GATC: variants seen among roughly 807,000 people sequenced by gnomAD.
GATC encodes glutamyl-tRNA(Gln) amidotransferase subunit C, mitochondrial.
A neutral mutation model predicts 14.4 loss-of-function variants in GATC; 11 were observed. The observed-to-expected ratio is 0.77, with a 90% CI of 0.48 to 1.27. GATC has a LOEUF of 1.27. Among genes scored for constraint, GATC ranks in the 50% most tolerant of loss-of-function variants. The pLI is 0.00. For missense variants in GATC, 204 were observed against 183.0 expected, an observed-to-expected ratio of 1.11 and a Z score of -0.66; for synonymous variants, 76 against 79.3, an observed-to-expected ratio of 0.96 and a Z score of 0.22.
chr12:120,452,453 A>G (rs1363146253), intron 2 of GATC, among the ~76,000 whole-genome samples: 1 of 152,042 alleles, frequency 6.6e-6, no homozygotes, highest in African/African-American at 2.4e-5. Flanking sequence ...TGTCCCTCAT[A>G]GTCTTATGAA....
At chr12:120,454,914 G>A (rs900880822) in intron 2 of GATC, 4 of 385,982 alleles carry the variant, frequency 1.0e-5, no homozygotes, top group South Asian at 3.6e-5. Flanking sequence ...GTGAGACACT[G>A]TCTCACTCTG....
At chr12:120,456,835 A>G (rs1878196934) in intron 2 of GATC, among the ~76,000 whole-genome samples, 1 of 152,158 alleles carries the variant, frequency 6.6e-6, no homozygotes, top group Admixed American at 6.5e-5. Context: ...TAATCATCAA[A>G]AACTATTTGT....
At chr12:120,457,579 A>G (rs1227897036) in intron 3 of GATC, among the ~76,000 whole-genome samples, 1 of 151,090 alleles carries the variant, frequency 6.6e-6, no homozygotes, top group East Asian at 1.9e-4. Flanking sequence ...CCACAAAAAA[A>G]CCAGTCCTTT....
intron 2 of GATC, among the ~76,000 whole-genome samples, chr12:120,451,881 T>TTTTTTCTTTTTTC (rs1565913367): frequency 7.9e-6 from 1 of 126,726 alleles, no homozygotes; most frequent in African/African-American, 3.0e-5. Flanking sequence ...AATTCTTTTT[T>TTTTTTCTTTTTTC]TTTTTTTTTT....
chr12:120,446,608 C>A, intron 1 of GATC, 47 bp downstream of exon 1: 1 of 1,591,142 alleles, frequency 6.3e-7, no homozygotes. Context: ...AGCCGGGAGG[C>A]ACTTCGGAGC....
At position 120,460,113 on chromosome 12, in the gene GATC, A is replaced by T. The variant is rs1002136140; in HGVS notation, c.*154A>T. On this transcript the variant is annotated 3_prime_UTR_variant, in exon 4 of 4. Coordinates refer to ENST00000551765, the MANE Select transcript of GATC (RefSeq NM_176818.3). ...AATAACAGATTCTTCTGAAGACAGAATTGGGAAAGATCTGGCCCCAACAAG... is the reference window on the plus strand; with the variant it reads ...AATAACAGATTCTTCTGAAGACAGATTTGGGAAAGATCTGGCCCCAACAAG... 1.7e-6 allele frequency: 1 copy of T among 572,066 alleles called. No homozygotes were observed. The highest frequency in any genetic ancestry group is 3.2e-5 in the Admixed American group (1 of 31,262). 35.4% of individuals were successfully genotyped at this position (572,066 alleles called of 1,614,324 possible).
At chr12:120,449,912 G>A (rs141907069) in intron 2 of GATC, among the ~76,000 whole-genome samples, 339 of 152,004 alleles carry the variant, frequency 2.2e-3, no homozygotes, top group African/African-American at 7.8e-3. Context: ...ACAGGTGCAC[G>A]CCACCACGCC....
At chr12:120,459,272 T>C (rs1008741704) in intron 3 of GATC, among the ~76,000 whole-genome samples, 1 of 152,172 alleles carries the variant, frequency 6.6e-6, no homozygotes, top group Admixed American at 6.5e-5. Context: ...AGAAATATCT[T>C]TTGATCAGAC....
In GATC at chr12:120,462,283, G is replaced by A. The variant is rs1441303890; in HGVS notation, c.*2324G>A. On this transcript the variant is annotated 3_prime_UTR_variant, in exon 4 of 4. Coordinates refer to ENST00000551765, the MANE Select transcript of GATC (RefSeq NM_176818.3). ...AGCACTTACTGTGTACTCTGTGCCT[G>A]GCATGAGGCTATCTCATTAAACCTT... 4.8e-6 allele frequency: 5 copies of A among 1,035,706 alleles called. No individual in the cohort carries two copies. The highest frequency in any genetic ancestry group is 6.9e-6 in the Non-Finnish European group (5 of 727,368). The allele number at this position is 1,035,706 out of a possible 1,614,324, so 64.2% of individuals were successfully genotyped here.
intron 3 of GATC, 85 bp downstream of exon 3, chr12:120,457,264 T>C (rs1318141344): frequency 3.0e-6 from 3 of 1,002,148 alleles, no homozygotes; most frequent in Non-Finnish European, 4.7e-6. Context: ...AAAGATGCTA[T>C]GTGAAGGCAC....
intron 2 of GATC, among the ~76,000 whole-genome samples, chr12:120,453,933 GTATGTACATACATACA>G (rs919203865): frequency 1.4e-4 from 21 of 152,052 alleles, no homozygotes; most frequent in African/African-American, 5.1e-4. Flanking sequence ...ATGTATGTAT[GTATGTACATACATACA>G]TAAATAGAAA....
At chr12:120,455,263 G>T (rs1398141446) in intron 2 of GATC, among the ~76,000 whole-genome samples, 1 of 151,616 alleles carries the variant, frequency 6.6e-6, no homozygotes. Context: ...CCGCCTCCTG[G>T]GTTCAGGCGA....
chr12:120,446,613 C>A, intron 1 of GATC, 44 bp from the exon 2 acceptor site: 1 of 1,591,534 alleles, frequency 6.3e-7, no homozygotes, highest in East Asian at 2.2e-5. Flanking sequence ...GGAGGCACTT[C>A]GGAGCGCCGG....
At position 120,446,722 on chromosome 12, in the gene GATC, C is replaced by G; in HGVS notation, c.147C>G (p.Gly49=). Residue 49 remains glycine, a synonymous_variant, in exon 2 of 4, where the codon GGC becomes GGG. Coordinates refer to ENST00000551765, the MANE Select transcript of GATC (RefSeq NM_176818.3). The part of the protein sequence containing the change: ...HLERLALVDF[G]SREAVARLEK... The stretch of plus-strand genomic sequence containing the variant: ...AGCGTCTAGCGCTTGTGGACTTCGG[C>G]AGCCGCGAGGCAGTGGCGCGACTGG... 6.2e-7 allele frequency: 1 copy of G among 1,613,948 alleles called. No homozygotes were observed. The highest frequency in any genetic ancestry group is 8.5e-7 in the Non-Finnish European group (1 of 1,180,018).
At position 120,462,510 on chromosome 12, in the gene GATC, C is replaced by T. The variant is rs1401535705; in HGVS notation, c.*2551C>T. The T allele has an allele frequency of 5.4e-6, 1 of 184,208 alleles. No individual in the cohort carries two copies. Among genetic ancestry groups the T allele is most frequent in the African/African-American group, 2.4e-5 (1 of 42,068 alleles). 11.4% of individuals were successfully genotyped at this position (184,208 alleles called of 1,614,324 possible). A position where few individuals can be genotyped will look rare whatever the true frequency, so the allele number is the denominator to read the frequency against. ...AAGAACTGGAAAGGATCTCAGGGGT[C>T]ATATAGTTTAATCCCCTGCCACCTC... On this transcript the variant is annotated 3_prime_UTR_variant, in exon 4 of 4. Coordinates refer to ENST00000551765, the MANE Select transcript of GATC (RefSeq NM_176818.3).
At chr12:120,449,557 C>G (rs1156825031) in intron 2 of GATC, among the ~76,000 whole-genome samples, 1 of 152,144 alleles carries the variant, frequency 6.6e-6, no homozygotes, top group Non-Finnish European at 1.5e-5. Flanking sequence ...TTGAGATTCT[C>G]TTGCCTCAGC....
At chr12:120,448,625 G>A (rs1279833588) in intron 2 of GATC, among the ~76,000 whole-genome samples, 2 of 137,998 alleles carry the variant, frequency 1.4e-5, no homozygotes, top group East Asian at 4.3e-4. Flanking sequence ...CACTGCACTG[G>A]CCAAAAAAGT....
At position 120,461,337 on chromosome 12, in the gene GATC, C is replaced by G. The variant is rs1461663649; in HGVS notation, c.*1378C>G. 1 of 152,164 alleles carries G rather than the reference C, an allele frequency of 6.6e-6. No individual in the cohort carries two copies. The highest frequency in any genetic ancestry group is 2.4e-5 in the African/African-American group (1 of 41,430). 9.4% of individuals were successfully genotyped at this position (152,164 alleles called of 1,614,324 possible). A position where few individuals can be genotyped will look rare whatever the true frequency, so the allele number is the denominator to read the frequency against. ...TGAACTCCTGGCCTCAAGGGATCCT[C>G]TGGCATGCCTTGGCCTCCCAAAGGG... On this transcript the variant is annotated 3_prime_UTR_variant, in exon 4 of 4. Transcript: ENST00000551765.
chr12:120,452,166 C>T (rs61945861), intron 2 of GATC, among the ~76,000 whole-genome samples: 1 of 152,106 alleles, frequency 6.6e-6, no homozygotes, highest in East Asian at 1.9e-4. Context: ...CATGAGCCAC[C>T]GTGCCCGGCC....
Sources: gnomAD v4.1 joint callset for allele counts (sites outside exome capture counted in the v4.1 genomes callset) on GRCh38, gnomAD v4.1.1 for gene constraint, MANE v1.5 for transcripts, NCBI Gene and HGNC (gene_info 2026-07-23, HGNC 2026-07-21) for gene names.